The following RMDN3 variants were observed in gnomAD, a reference collection of about 807,000 sequenced individuals.
RMDN3 encodes the protein regulator of microtubule dynamics 3.
A neutral mutation model predicts 61.8 loss-of-function variants in RMDN3; 41 were observed. The observed-to-expected ratio is 0.66, with a 90% CI of 0.52 to 0.86. The LOEUF is 0.86. Ranked by LOEUF, RMDN3 falls within the 40% of genes least tolerant of loss-of-function variation. The pLI is 0.00. For missense variants in RMDN3, 557 were observed against 585.3 expected, an observed-to-expected ratio of 0.95 and a Z score of 0.50; for synonymous variants, 247 against 232.0, an observed-to-expected ratio of 1.06 and a Z score of -0.59.
chr15:40,751,711 G>T lies in RMDN3; in HGVS notation c.381-142C>A, dbSNP rs538060070. ...ATCCTAAGTCTCTAACCCTCAGGAG[G>T]GCAAGCAGGGCAGCTTCCTGGGCCC... On this transcript the variant is annotated intron_variant, in intron 3 of 12. Transcript: ENST00000338376. The T allele has an allele frequency of 1.2e-4, 147 of 1,256,538 alleles. 1 individual carries two copies. Among genetic ancestry groups the T allele is most frequent in the Admixed American group, 4.6e-4 (25 of 54,240 alleles). 77.8% of individuals were successfully genotyped at this position (1,256,538 alleles called of 1,614,324 possible).
At chr15:40,754,822 A>C in intron 1 of RMDN3, 32 bp from the exon 2 acceptor site, 1 of 569,554 alleles carries the variant, frequency 1.8e-6, no homozygotes, top group Non-Finnish European at 2.7e-6. Context: ...GGGAGCAGGC[A>C]GGCGGGCGGG....
At chr15:40,740,694 C>T (rs1289818397) in intron 6 of RMDN3, among the ~76,000 whole-genome samples, 2 of 152,150 alleles carry the variant, frequency 1.3e-5, no homozygotes, top group African/African-American at 4.8e-5. Context: ...ATGACTTCTG[C>T]TTCACCTTGG....
At chr15:40,744,181 T>G (rs1427640912) in intron 5 of RMDN3, 32 bp from the exon 6 acceptor site, 2 of 1,589,280 alleles carry the variant, frequency 1.3e-6, no homozygotes, top group Non-Finnish European at 1.7e-6. Context: ...GTGAGGCCCC[T>G]TTTTCCTCAA....
rs776133707 is a variant in RMDN3, at chr15:40,751,714, A to C, written c.381-145T>G. On this transcript the variant is annotated intron_variant, in intron 3 of 12. Coordinates refer to ENST00000338376, the MANE Select transcript of RMDN3 (RefSeq NM_018145.3). ...CTAAGTCTCTAACCCTCAGGAGGGC[A>C]AGCAGGGCAGCTTCCTGGGCCCAGC... The C allele has an allele frequency of 2.4e-6, 3 of 1,263,158 alleles. No individual in the cohort carries two copies. The South Asian group carries it at 3.7e-5, about 16-fold the overall frequency. The allele number at this position is 1,263,158 out of a possible 1,614,324, so 78.2% of individuals were successfully genotyped here. A position where few individuals can be genotyped will look rare whatever the true frequency, so the allele number is the denominator to read the frequency against.
intron 6 of RMDN3, among the ~76,000 whole-genome samples, chr15:40,741,082 AAAAC>A (rs144673482): frequency 0.22 from 33,088 of 150,184 alleles, 4,558 homozygotes; most frequent in East Asian, 0.66. Flanking sequence ...CACCTCAAAA[AAAAC>A]AACAACAACG....
At chr15:40,753,526 GAA>G (rs1897912523) in intron 2 of RMDN3, among the ~76,000 whole-genome samples, 2 of 148,796 alleles carry the variant, frequency 1.3e-5, no homozygotes, top group Non-Finnish European at 3.0e-5. Context: ...AAAAAGAAAA[GAA>G]AAGAAAAAAG....
chr15:40,737,801 G>A, intron 9 of RMDN3, 75 bp from the exon 10 acceptor site: 1 of 1,521,270 alleles, frequency 6.6e-7, no homozygotes, highest in Non-Finnish European at 9.1e-7. Context: ...GGGATATATT[G>A]AAAATAGGGT....
At chr15:40,750,220 T>TG in intron 4 of RMDN3, among the ~76,000 whole-genome samples, 1 of 143,338 alleles carries the variant, frequency 7.0e-6, no homozygotes, top group African/African-American at 2.7e-5. Flanking sequence ...GTTTTTTTTT[T>TG]TTTTTTTTTT....
chr15:40,745,617 C>T (rs138142950), intron 4 of RMDN3, among the ~76,000 whole-genome samples: 2,532 of 152,048 alleles, frequency 0.017, 58 homozygotes, highest in African/African-American at 0.05. Flanking sequence ...CCGCCCACCT[C>T]GGCCTCCCAA....
chr15:40,754,974 C>CT, intron 1 of RMDN3, 109 bp downstream of exon 1: 1 of 571,562 alleles, frequency 1.7e-6, no homozygotes, highest in South Asian at 2.2e-5. Context: ...TTCCTCCAGC[C>CT]TCCTGGGCCC....
At chr15:40,745,327 C>G (rs1897485065) in intron 4 of RMDN3, 68 bp from the exon 5 acceptor site, 1 of 1,513,232 alleles carries the variant, frequency 6.6e-7, no homozygotes, top group Admixed American at 1.8e-5. Flanking sequence ...CTGTCTATCC[C>G]TCACCCCCAA....
intron 7 of RMDN3, 98 bp from the exon 8 acceptor site, chr15:40,738,674 C>T: frequency 2.6e-6 from 3 of 1,146,024 alleles, no homozygotes; most frequent in Non-Finnish European, 3.9e-6. Flanking sequence ...TCCCCTATCC[C>T]TGTACCCTCA....
rs190589871 is a variant in RMDN3 at position 40,755,209 on chromosome 15, G to C, written c.-134C>G. The stretch of plus-strand genomic sequence containing the variant: ...CACTCAGACCCTTACCCGGCCGCCA[G>C]CCACCATGGCAGCAGCCGCCGCGGG... On this transcript the variant is annotated 5_prime_UTR_variant, in exon 1 of 13. Coordinates refer to ENST00000338376, the MANE Select transcript of RMDN3 (RefSeq NM_018145.3). The C allele has an allele frequency of 6.4e-6, 1 of 155,162 alleles. No homozygotes were observed. The highest frequency in any genetic ancestry group is 1.4e-5 in the Non-Finnish European group (1 of 70,050). 9.6% of individuals were successfully genotyped at this position (155,162 alleles called of 1,614,324 possible). A position where few individuals can be genotyped will look rare whatever the true frequency, so the allele number is the denominator to read the frequency against.
Position 40,738,582 on chromosome 15 carries a change from G to A in RMDN3, c.972-6C>T. 1 of 1,614,014 alleles carries A rather than the reference G, an allele frequency of 6.2e-7. No homozygotes were observed. Among genetic ancestry groups the A allele is most frequent in the Non-Finnish European group, 8.5e-7 (1 of 1,179,970 alleles). ...GACCACAAAGCACCGCATACCTAGGGGGGAAGCAGCAAGCTCAGGGACAAG... is the reference window on the plus strand; with the variant it reads ...GACCACAAAGCACCGCATACCTAGGAGGGAAGCAGCAAGCTCAGGGACAAG... On this transcript the variant is annotated splice_polypyrimidine_tract_variant and splice_region_variant and intron_variant, in intron 7 of 12. Transcript: ENST00000338376.
At chr15:40,737,051 C>A (rs995286891) in intron 12 of RMDN3, 73 bp downstream of exon 12, 61 of 1,195,246 alleles carry the variant, frequency 5.1e-5, no homozygotes, top group Non-Finnish European at 6.9e-5. Context: ...TGGGGTTTCT[C>A]CATGTTGGTC....
intron 4 of RMDN3, among the ~76,000 whole-genome samples, chr15:40,746,516 C>CA (rs756574720): frequency 0.18 from 15,298 of 85,504 alleles, 1,135 homozygotes; most frequent in African/African-American, 0.27. Flanking sequence ...GACTCCGTCT[C>CA]AAAAAAAAAA....
intron 6 of RMDN3, among the ~76,000 whole-genome samples, chr15:40,740,583 T>G (rs997733853): frequency 6.6e-6 from 1 of 151,840 alleles, no homozygotes; most frequent in Non-Finnish European, 1.5e-5. Flanking sequence ...GAGGCAGAGG[T>G]TGCAGTGAGC....
chr15:40,754,625 A>G lies in RMDN3; in HGVS notation c.159T>C (p.Tyr53=). The change falls in exon 2 of 13, where the codon TAT becomes TAC. Residue 53 remains tyrosine (Y), a synonymous_variant. Coordinates refer to ENST00000338376, the MANE Select transcript of RMDN3 (RefSeq NM_018145.3). ...GGCGTCCGGGATCTGAAGTCTGCGT[A>G]TAGTCCAGGGAGTTGGGCAGGCTCT... The part of the protein sequence containing the change: ...RSQSLPNSLD[Y]TQTSDPGRHV... 6.2e-7 allele frequency: 1 copy of G among 1,613,708 alleles called. No homozygotes were observed. The highest frequency in any genetic ancestry group is 8.5e-7 in the Non-Finnish European group (1 of 1,179,790).
rs758251233 is a variant in RMDN3 at position 40,736,505 on chromosome 15, T to C, written c.*36A>G. On this transcript the variant is annotated 3_prime_UTR_variant, in exon 13 of 13. Coordinates refer to ENST00000338376, the MANE Select transcript of RMDN3 (RefSeq NM_018145.3). Reference sequence around the variant, plus strand: ...AGCCTCCCCGCCCCCCCACCTTAAATAGTGGCATCAAGTCATGAAGGCCAG... The same window carrying C: ...AGCCTCCCCGCCCCCCCACCTTAAACAGTGGCATCAAGTCATGAAGGCCAG... The C allele has an allele frequency of 6.3e-7, 1 of 1,596,966 alleles. No homozygotes were observed. The highest frequency in any genetic ancestry group is 2.2e-5 in the East Asian group (1 of 44,760).
Sources: allele counts gnomAD v4.1 joint callset (sites outside exome capture counted in the v4.1 genomes callset), GRCh38; gene constraint gnomAD v4.1.1; transcripts MANE v1.5; gene names NCBI Gene and HGNC (gene_info 2026-07-23, HGNC 2026-07-21).